The following AGPAT1 variants were observed in gnomAD, a reference collection of about 807,000 sequenced individuals.
AGPAT1 encodes the protein 1-acylglycerol-3-phosphate O-acyltransferase 1.
In AGPAT1, 6 loss-of-function variants were observed where a neutral mutation model predicts 31.2. The observed-to-expected ratio is 0.19, with a 90% CI of 0.11 to 0.38. AGPAT1 has a LOEUF of 0.38. Among genes scored for constraint, AGPAT1 ranks in the 10% least tolerant of loss-of-function variants. The probability of loss-of-function intolerance (pLI) is 1.00; values close to 1 mark genes in which losing one functional copy is unlikely to be tolerated. For synonymous variants in AGPAT1, 139 were observed against 154.0 expected, an observed-to-expected ratio of 0.90 and a Z score of 0.72; for missense variants, 187 against 377.8, an observed-to-expected ratio of 0.49 and a Z score of 4.19.
chr6:32,173,320 G>A lies in AGPAT1; in HGVS notation c.-9-1815C>T, dbSNP rs1237889146. On this transcript the variant is annotated intron_variant, in intron 1 of 6. Coordinates refer to ENST00000375107, the MANE Select transcript of AGPAT1 (RefSeq NM_006411.4). The surrounding 1 kb of genome is among the most constrained non-coding windows in gnomAD (Gnocchi z 4.7). ...CAAAGGTAAGCCTATTGCCAAGCGA[G>A]AAGGTAACAGGCAATAGAGGAAACA... Among the ~76,000 whole-genome samples, 1 of 152,184 alleles carries A rather than the reference G, an allele frequency of 6.6e-6. No homozygotes were observed. Among genetic ancestry groups the A allele is most frequent in the African/African-American group, 2.4e-5 (1 of 41,438 alleles).
chr6:32,170,407 T>G lies in AGPAT1; in HGVS notation c.510+18A>C, dbSNP rs2127413572. 6.2e-7 allele frequency: 1 copy of G among 1,613,722 alleles called. No homozygotes were observed. The highest frequency in any genetic ancestry group is 1.6e-4 in the Middle Eastern group (1 of 6,062). On this transcript the variant is annotated intron_variant, in intron 4 of 6. Transcript: ENST00000375107. This position sits in a 1 kb window ranked among gnomAD's most constrained non-coding sequence, Gnocchi z 7.7. ...ACTCTGTATCCCTCCAATCCCCCAT[T>G]TCCCCAGGATGACTCACGTCCTGGG...
chr6:32,170,059 G>T lies in AGPAT1; in HGVS notation c.607-21C>A, dbSNP rs749150815. ...GGAACCTGGGGAAGGGTTAAAGCAG[G>T]TCAGTCCACAGCTCTCTTCAGAGAC... On this transcript the variant is annotated intron_variant, in intron 5 of 6. Coordinates refer to ENST00000375107, the MANE Select transcript of AGPAT1 (RefSeq NM_006411.4). This position sits in a 1 kb window ranked among gnomAD's most constrained non-coding sequence, Gnocchi z 7.7. 14 of 1,612,474 alleles carry T rather than the reference G, an allele frequency of 8.7e-6. No individual in the cohort carries two copies. The highest frequency in any genetic ancestry group is 1.2e-5 in the Non-Finnish European group (14 of 1,178,586).
chr6:32,171,376 AG>A lies in AGPAT1; in HGVS notation c.120del (p.Tyr41ThrfsTer26), dbSNP rs1298354337. 1 of 1,613,090 alleles carries A rather than the reference AG, an allele frequency of 6.2e-7. No individual in the cohort carries two copies. Among genetic ancestry groups the A allele is most frequent in the African/African-American group, 1.3e-5 (1 of 74,942 alleles). On this transcript the variant is annotated frameshift_variant, in exon 2 of 7. Transcript: ENST00000375107. LOFTEE classifies it high-confidence loss of function. This position sits in a 1 kb window ranked among gnomAD's most constrained non-coding sequence, Gnocchi z 6.9. ...PSAKYFFKMAFYNGWILFLAV... is the reference protein window; with the variant it reads ...PSAKYFFKMAXYNGWILFLAV... Reference sequence around the variant, plus strand: ...GCCAGGAAGAGGATCCAGCCATTGTAGAAGGCCATCTTGAAGAAGTACTTGG... The same window carrying A: ...GCCAGGAAGAGGATCCAGCCATTGTAAAGGCCATCTTGAAGAAGTACTTGG...
chr6:32,171,124 G>A lies in AGPAT1; in HGVS notation c.201-54C>T. Reference sequence around the variant, plus strand: ...GGGATCCATTGATGTCCATCTGCATGCCTCAGCTCCCCCCACCTTACTGTC... The same window carrying A: ...GGGATCCATTGATGTCCATCTGCATACCTCAGCTCCCCCCACCTTACTGTC... On this transcript the variant is annotated intron_variant, in intron 2 of 6. Coordinates refer to ENST00000375107, the MANE Select transcript of AGPAT1 (RefSeq NM_006411.4). This position sits in a 1 kb window ranked among gnomAD's most constrained non-coding sequence, Gnocchi z 6.9. 1 of 1,595,672 alleles carries A rather than the reference G, an allele frequency of 6.3e-7. No individual in the cohort carries two copies. Among genetic ancestry groups the A allele is most frequent in the Non-Finnish European group, 8.6e-7 (1 of 1,168,140 alleles).
chr6:32,176,695 A>T (rs892064559), upstream of AGPAT1: 3 of 223,188 alleles, frequency 1.3e-5, no homozygotes, highest in African/African-American at 6.8e-5. Flanking sequence ...CTTTGGCCTT[A>T]TCCCTGACCC....
chr6:32,176,849 C>T (rs904561779), upstream of AGPAT1: 2 of 395,580 alleles, frequency 5.1e-6, no homozygotes, highest in Non-Finnish European at 8.9e-6. Flanking sequence ...AATTTGGCTT[C>T]AGGGGTGCTT....
rs1785364359 is a variant in AGPAT1, at chr6:32,174,494, C to T, written c.-10+1320G>A. On this transcript the variant is annotated intron_variant, in intron 1 of 6. Coordinates refer to ENST00000375107, the MANE Select transcript of AGPAT1 (RefSeq NM_006411.4). This position sits in a 1 kb window ranked among gnomAD's most constrained non-coding sequence, Gnocchi z 4.5. ...CAAGATGCCACAGGGAAAGATGCTG[C>T]TCTCATCAAATGTGTGCCAACAGTG... Among the ~76,000 whole-genome samples the T allele has an allele frequency of 6.6e-6, 1 of 152,214 alleles. No homozygotes were observed. Among genetic ancestry groups the T allele is most frequent in the Admixed American group, 6.5e-5 (1 of 15,280 alleles).
At position 32,171,815 on chromosome 6, in the gene AGPAT1, A is replaced by C; in HGVS notation, c.-9-310T>G. On this transcript the variant is annotated intron_variant, in intron 1 of 6. Transcript: ENST00000375107. This position sits in a 1 kb window ranked among gnomAD's most constrained non-coding sequence, Gnocchi z 6.9. ...AATGACAACAAGAATAATAGCTAAC[A>C]CTTGTAGCTGGTAAGGGTCTTATAA... 1.9e-6 allele frequency: 1 copy of C among 518,900 alleles called. No individual in the cohort carries two copies. The highest frequency in any genetic ancestry group is 3.5e-6 in the Non-Finnish European group (1 of 288,154). The allele number at this position is 518,900 out of a possible 1,614,324, so 32.1% of individuals were successfully genotyped here. A position where few individuals can be genotyped will look rare whatever the true frequency, so the allele number is the denominator to read the frequency against.
Position 32,169,552 on chromosome 6 carries a change from C to A in AGPAT1, c.680-104G>T, listed in dbSNP as rs1029448934. 1 of 1,403,472 alleles carries A rather than the reference C, an allele frequency of 7.1e-7. No individual in the cohort carries two copies. The highest frequency in any genetic ancestry group is 9.7e-7 in the Non-Finnish European group (1 of 1,030,276). 86.9% of individuals were successfully genotyped at this position (1,403,472 alleles called of 1,614,324 possible). ...TCTTCCTCAACCTTTCAGTTCTCTT[C>A]CCCCAACCCTGGACAACCATCCCTG... On this transcript the variant is annotated intron_variant, in intron 6 of 6. Transcript: ENST00000375107. This position sits in a 1 kb window ranked among gnomAD's most constrained non-coding sequence, Gnocchi z 5.9.
At position 32,171,039 on chromosome 6, in the gene AGPAT1, A is replaced by G; in HGVS notation, c.232T>C (p.Tyr78His). 2 of 1,612,714 alleles carry G rather than the reference A, an allele frequency of 1.2e-6. No homozygotes were observed. The highest frequency in any genetic ancestry group is 1.7e-6 in the Non-Finnish European group (2 of 1,179,920). ...ILRLMLLHIK[Y>H]LYGIRVEVRG... ...ACCTCCACTCGGATCCCGTACAGGT[A>G]TTTGATGTGGAGCAGCATTAGACGC... The change falls in exon 3 of 7, where the codon TAC (tyrosine) becomes CAC (histidine). Residue 78 changes from tyrosine to histidine, a missense_variant. By Grantham distance (83) the Tyr-to-His change is moderately conservative (BLOSUM62 2). This residue lies in a region of AGPAT1 where 113 missense variants were observed against 283.1 expected (regional missense o/e 0.40). Transcript: ENST00000375107. The surrounding 1 kb of genome is among the most constrained non-coding windows in gnomAD (Gnocchi z 6.9).
Position 32,169,922 on chromosome 6 carries a change from C to T in AGPAT1, c.679+44G>A. On this transcript the variant is annotated intron_variant, in intron 6 of 6. Transcript: ENST00000375107. The surrounding 1 kb of genome is among the most constrained non-coding windows in gnomAD (Gnocchi z 5.9). ...CTGCCTCACAGGGATGTCCTCCCAG[C>T]CTCTCCGGACACACCCTACCCCAGA... The T allele has an allele frequency of 1.3e-6, 2 of 1,549,762 alleles. No homozygotes were observed. The highest frequency in any genetic ancestry group is 8.9e-7 in the Non-Finnish European group (1 of 1,124,716).
chr6:32,178,097 A>AG, upstream of AGPAT1: 1 of 154,940 alleles, frequency 6.5e-6, no homozygotes, highest in South Asian at 1.8e-4. Context: ...TAAAAGAGGA[A>AG]GCGAAGGAAA....
chr6:32,175,672 C>A lies in AGPAT1; in HGVS notation c.-10+142G>T. 3.9e-6 allele frequency: 1 copy of A among 258,212 alleles called. No homozygotes were observed. The allele number at this position is 258,212 out of a possible 1,614,324, so 16.0% of individuals were successfully genotyped here. On this transcript the variant is annotated intron_variant, in intron 1 of 6. Transcript: ENST00000375107. The surrounding 1 kb of genome is among the most constrained non-coding windows in gnomAD (Gnocchi z 4.5). The stretch of plus-strand genomic sequence containing the variant: ...GTCCCCTCTCCTATCCCCAGCAACC[C>A]TCTTCCCAGTCGGCCCCTCTCCTTT...
rs376539071 is a variant in AGPAT1 at position 32,174,459 on chromosome 6, C to T, written c.-10+1355G>A. On this transcript the variant is annotated intron_variant, in intron 1 of 6. Coordinates refer to ENST00000375107, the MANE Select transcript of AGPAT1 (RefSeq NM_006411.4). The surrounding 1 kb of genome is among the most constrained non-coding windows in gnomAD (Gnocchi z 4.5). ...AGGTCATCTCACAAGAGAAATGTAC[C>T]GAATGGGATCAAGATGCCACAGGGA... Among the ~76,000 whole-genome samples the T allele has an allele frequency of 4.6e-5, 7 of 152,234 alleles. No individual in the cohort carries two copies. The highest frequency in any genetic ancestry group is 4.1e-4 in the South Asian group (2 of 4,826).
At position 32,175,714 on chromosome 6, in the gene AGPAT1, C is replaced by G; in HGVS notation, c.-10+100G>C. On this transcript the variant is annotated intron_variant, in intron 1 of 6. Coordinates refer to ENST00000375107, the MANE Select transcript of AGPAT1 (RefSeq NM_006411.4). The surrounding 1 kb of genome is among the most constrained non-coding windows in gnomAD (Gnocchi z 4.5). ...CTCTCCTTTCCCCAGCAACCCTCTCCCCCAGTCGGCCCTCCCAGACCCAAT... is the reference window on the plus strand; with the variant it reads ...CTCTCCTTTCCCCAGCAACCCTCTCGCCCAGTCGGCCCTCCCAGACCCAAT... 3.3e-6 allele frequency: 2 copies of G among 597,992 alleles called. No individual in the cohort carries two copies. Among genetic ancestry groups the G allele is most frequent in the Non-Finnish European group, 4.2e-6 (2 of 475,616 alleles). The allele number at this position is 597,992 out of a possible 1,614,324, so 37.0% of individuals were successfully genotyped here.
At position 32,171,944 on chromosome 6, in the gene AGPAT1, T is replaced by A. The variant is rs1785142668; in HGVS notation, c.-9-439A>T. 5.0e-6 allele frequency: 1 copy of A among 198,314 alleles called. No homozygotes were observed. Among genetic ancestry groups the A allele is most frequent in the Non-Finnish European group, 1.0e-5 (1 of 96,400 alleles). 12.3% of individuals were successfully genotyped at this position (198,314 alleles called of 1,614,324 possible). ...ATGTGCTGGAAATGTAAAATACACA[T>A]CAGATTTCAAAGACTGAATAAAAAA... On this transcript the variant is annotated intron_variant, in intron 1 of 6. Transcript: ENST00000375107. This position sits in a 1 kb window ranked among gnomAD's most constrained non-coding sequence, Gnocchi z 6.9.
rs1460139280 is a variant in AGPAT1, at chr6:32,175,186, T to C, written c.-10+628A>G. The stretch of plus-strand genomic sequence containing the variant: ...TGCGGTACTTAAAACATGTCAAAAC[T>C]GGATGTGAGACATGGACACAAGAAT... On this transcript the variant is annotated intron_variant, in intron 1 of 6. Coordinates refer to ENST00000375107, the MANE Select transcript of AGPAT1 (RefSeq NM_006411.4). The surrounding 1 kb of genome is among the most constrained non-coding windows in gnomAD (Gnocchi z 4.5). Among the ~76,000 whole-genome samples, 4 of 152,142 alleles carry C rather than the reference T, an allele frequency of 2.6e-5. No individual in the cohort carries two copies. The highest frequency in any genetic ancestry group is 5.9e-5 in the Non-Finnish European group (4 of 68,028).
Position 32,171,486 on chromosome 6 carries a change from C to T in AGPAT1, c.11G>A (p.Trp4Ter). The change falls in exon 2 of 7, where the codon TGG becomes TAG. Residue 4 changes from tryptophan (W) to a stop codon, truncating the protein, a stop_gained. Transcript: ENST00000375107. LOFTEE classifies it high-confidence loss of function. This position sits in a 1 kb window ranked among gnomAD's most constrained non-coding sequence, Gnocchi z 6.9. MDL[W>*]PGAWMLLLLL... is the part of the protein sequence containing the mutation. ...CAGCAGCAGCATCCATGCCCCTGGC[C>T]ACAAATCCATTCTGGCCACCTGCAG... The T allele has an allele frequency of 6.3e-7, 1 of 1,593,954 alleles. No individual in the cohort carries two copies. Among genetic ancestry groups the T allele is most frequent in the Non-Finnish European group, 8.5e-7 (1 of 1,171,550 alleles).
Position 32,171,680 on chromosome 6 carries a change from G to A in AGPAT1, c.-9-175C>T. 1.2e-6 allele frequency: 1 copy of A among 817,024 alleles called. No individual in the cohort carries two copies. Among genetic ancestry groups the A allele is most frequent in the South Asian group, 1.8e-5 (1 of 56,204 alleles). 50.6% of individuals were successfully genotyped at this position (817,024 alleles called of 1,614,324 possible). A position where few individuals can be genotyped will look rare whatever the true frequency, so the allele number is the denominator to read the frequency against. The stretch of plus-strand genomic sequence containing the variant: ...GAAGGCTCTCTAGGATGAGGGTGGT[G>A]GAGAAAGAGCTCAGGACTGCTCTCC... On this transcript the variant is annotated intron_variant, in intron 1 of 6. Transcript: ENST00000375107. This position sits in a 1 kb window ranked among gnomAD's most constrained non-coding sequence, Gnocchi z 6.9.
Sources: gnomAD v4.1 joint callset for allele counts (sites outside exome capture counted in the v4.1 genomes callset) on GRCh38, gnomAD v4.1.1 for gene constraint, gnomAD v4.1.1 regional missense constraint, Gnocchi (gnomAD v3.1) non-coding constraint, MANE v1.5 for transcripts, NCBI Gene and HGNC (gene_info 2026-07-23, HGNC 2026-07-21) for gene names.